Variants in CDH23 observed in about 807,000 individuals in gnomAD.
CDH23 encodes the protein cadherin-23.
CDH23 carries 189 observed loss-of-function variants against 317.1 expected under a neutral mutation model. That is an observed-to-expected ratio of 0.60 (90% CI 0.53 to 0.67). The LOEUF (loss-of-function observed/expected upper bound fraction) is 0.67. CDH23 is among the 30% of genes least tolerant of loss of function. The pLI is 0.00. For missense variants in CDH23, 4,401 were observed against 4,592.4 expected, an observed-to-expected ratio of 0.96 and a Z score of 1.20; for synonymous variants, 1,839 against 1,876.8, an observed-to-expected ratio of 0.98 and a Z score of 0.52.
chr10:71,411,944 C>A (rs992840682), intron 1 of CDH23, among the ~76,000 whole-genome samples: 1 of 152,168 alleles, frequency 6.6e-6, no homozygotes, highest in African/African-American at 2.4e-5. Flanking sequence ...AAATACTGTA[C>A]CCATTAAACA....
In CDH23 at chr10:71,805,991, G is replaced by C. The variant is rs2132984135; in HGVS notation, c.8058G>C (p.Val2686=). ...GCCTGGACCGCGAGTCGCAGGCGGT[G>C]TACAGCGTAAGGGCGGGGCCCGGTG... is the stretch of plus-strand genomic sequence containing the variant. The part of the protein sequence containing the change: ...AQRLDRESQA[V]YSLILVASDL... Residue 2686 remains valine, a synonymous_variant, in exon 56 of 70, where the codon GTG becomes GTC. Transcript: ENST00000224721. 1 of 1,451,420 alleles carries C rather than the reference G, an allele frequency of 6.9e-7. No homozygotes were observed. The highest frequency in any genetic ancestry group is 2.9e-5 in the East Asian group (1 of 34,652). The allele number at this position is 1,451,420 out of a possible 1,614,324, so 89.9% of individuals were successfully genotyped here. A position where few individuals can be genotyped will look rare whatever the true frequency, so the allele number is the denominator to read the frequency against.
chr10:71,552,686 C>T (rs190489147), intron 6 of CDH23, among the ~76,000 whole-genome samples: 12 of 152,246 alleles, frequency 7.9e-5, no homozygotes, highest in African/African-American at 1.4e-4. Flanking sequence ...GAAGGGAGTG[C>T]GGAGTGATGT....
intron 3 of CDH23, among the ~76,000 whole-genome samples, chr10:71,479,365 C>T (rs977660248): frequency 2.0e-5 from 3 of 152,162 alleles, no homozygotes; most frequent in African/African-American, 4.8e-5. Flanking sequence ...TGGACACCTT[C>T]AGGAGGTTTT....
chr10:71,444,451 C>T (rs768938778), intron 2 of CDH23, among the ~76,000 whole-genome samples: 3 of 152,062 alleles, frequency 2.0e-5, no homozygotes, highest in Admixed American at 6.6e-5. Context: ...GAGGTGTGTA[C>T]GTGGGTGCAT....
chr10:71,724,871 G>A (rs933236724), intron 29 of CDH23, among the ~76,000 whole-genome samples: 1 of 152,224 alleles, frequency 6.6e-6, no homozygotes, highest in African/African-American at 2.4e-5. Flanking sequence ...GAGGAGAGTA[G>A]ATCCCCAAAG....
intron 1 of CDH23, among the ~76,000 whole-genome samples, chr10:71,407,905 C>T (rs560383366): frequency 6.6e-6 from 1 of 152,220 alleles, no homozygotes; most frequent in African/African-American, 2.4e-5. Flanking sequence ...GAAAAATCCC[C>T]TTCTGACCAA....
At chr10:71,480,064 G>GA (rs1851989097) in intron 3 of CDH23, among the ~76,000 whole-genome samples, 1 of 151,906 alleles carries the variant, frequency 6.6e-6, no homozygotes. Flanking sequence ...AATCCACCGT[G>GA]GCACAGGGAG....
In CDH23 at chr10:71,694,023, T is replaced by C. The variant is rs1226896105; in HGVS notation, c.2177-124T>C. The C allele has an allele frequency of 6.4e-6, 5 of 786,344 alleles. No individual in the cohort carries two copies. In the East Asian group the frequency reaches 1.3e-4, roughly 21 times the overall value. The allele number at this position is 786,344 out of a possible 1,614,324, so 48.7% of individuals were successfully genotyped here. ...ACACATCCAGGCCGCCAGATCATGG[T>C]AGCTTGCTAACATTTCTCGTGCAAG... is the stretch of plus-strand genomic sequence containing the variant. On this transcript the variant is annotated intron_variant, in intron 20 of 69. Coordinates refer to ENST00000224721, the MANE Select transcript of CDH23 (RefSeq NM_022124.6).
chr10:71,650,737 C>A (rs536321026), intron 14 of CDH23, among the ~76,000 whole-genome samples: 9 of 152,274 alleles, frequency 5.9e-5, no homozygotes, highest in African/African-American at 1.9e-4. Flanking sequence ...CTCTCATATC[C>A]CAGGCTGCTC....
intron 37 of CDH23, 132 bp downstream of exon 37, chr10:71,741,082 T>TATCACTACGAATGAGCCA: frequency 1.9e-6 from 2 of 1,032,248 alleles, no homozygotes; most frequent in Non-Finnish European, 3.0e-6. Flanking sequence ...GAACTGTGGC[T>TATCACTACGAATGAGCCA]CATTCGTAGT....
At chr10:71,594,867 G>A (rs1859735238) in intron 9 of CDH23, among the ~76,000 whole-genome samples, 1 of 152,176 alleles carries the variant, frequency 6.6e-6, no homozygotes, top group Admixed American at 6.5e-5. Context: ...TTTAATGTCA[G>A]CAATTTGTTA....
rs952006850 is a variant in CDH23 at position 71,738,364 on chromosome 10, G to T, written c.4210-134G>T. ...CTTTGTAAAGTCAGGATAGGCTTCGGTGGGCTCTGAGGGTTTGCTGATGTT... is the reference window on the plus strand; with the variant it reads ...CTTTGTAAAGTCAGGATAGGCTTCGTTGGGCTCTGAGGGTTTGCTGATGTT... On this transcript the variant is annotated intron_variant, in intron 34 of 69. Coordinates refer to ENST00000224721, the MANE Select transcript of CDH23 (RefSeq NM_022124.6). 5 of 1,018,546 alleles carry T rather than the reference G, an allele frequency of 4.9e-6. No individual in the cohort carries two copies. The African/African-American group carries it at 6.3e-5, about 13-fold the overall frequency. The allele number at this position is 1,018,546 out of a possible 1,614,324, so 63.1% of individuals were successfully genotyped here.
chr10:71,642,282 C>A (rs1024912391), intron 11 of CDH23, among the ~76,000 whole-genome samples: 3 of 151,990 alleles, frequency 2.0e-5, no homozygotes, highest in African/African-American at 7.3e-5. Context: ...ACACTGTGGA[C>A]TCGTGCTGCC....
chr10:71,638,154 A>G (rs1222504657), intron 11 of CDH23, among the ~76,000 whole-genome samples: 1 of 152,188 alleles, frequency 6.6e-6, no homozygotes, highest in Non-Finnish European at 1.5e-5. Flanking sequence ...TACCCTCCCC[A>G]CTTCACAGAT....
chr10:71,580,047 C>T lies in CDH23; in HGVS notation c.832+2055C>T, dbSNP rs1858515014. Among the ~76,000 whole-genome samples, 5 of 152,340 alleles carry T rather than the reference C, an allele frequency of 3.3e-5. No homozygotes were observed. The South Asian group carries it at 1.0e-3, about 32-fold the overall frequency. On this transcript the variant is annotated intron_variant, in intron 9 of 69. Coordinates refer to ENST00000224721, the MANE Select transcript of CDH23 (RefSeq NM_022124.6). ...CAAGGTCATGCTTAGAATGGGAACTCCTGCAGAGACCCTGTGAGCCCATCC... is the reference window on the plus strand; with the variant it reads ...CAAGGTCATGCTTAGAATGGGAACTTCTGCAGAGACCCTGTGAGCCCATCC...
intron 9 of CDH23, among the ~76,000 whole-genome samples, chr10:71,587,027 T>C (rs991545104): frequency 1.3e-5 from 2 of 152,258 alleles, no homozygotes; most frequent in African/African-American, 4.8e-5. Flanking sequence ...TCTGGATGTG[T>C]GCAAGAGTTT....
chr10:71,720,379 C>T (rs1866497769), intron 28 of CDH23, among the ~76,000 whole-genome samples: 1 of 151,676 alleles, frequency 6.6e-6, no homozygotes, highest in Non-Finnish European at 1.5e-5. Context: ...CCCCACAGTG[C>T]GGGTGGGCCA....
At chr10:71,558,710 T>C (rs1442341999) in intron 6 of CDH23, among the ~76,000 whole-genome samples, 1 of 152,228 alleles carries the variant, frequency 6.6e-6, no homozygotes, top group African/African-American at 2.4e-5. Flanking sequence ...TGGTTGGGAC[T>C]GCTTGTTAGC....
chr10:71,786,368 G>C (rs1841105261), intron 44 of CDH23, among the ~76,000 whole-genome samples: 1 of 152,092 alleles, frequency 6.6e-6, no homozygotes, highest in South Asian at 2.1e-4. Context: ...GTGTGGCTCA[G>C]CCAAGGCACC....
Sources: gnomAD v4.1 joint callset for allele counts (sites outside exome capture counted in the v4.1 genomes callset) on GRCh38, gnomAD v4.1.1 for gene constraint, MANE v1.5 for transcripts, NCBI Gene and HGNC (gene_info 2026-07-23, HGNC 2026-07-21) for gene names.